The following PATZ1 variants were observed in gnomAD, a reference collection of about 807,000 sequenced individuals.
The protein encoded by PATZ1 is POZ-, AT hook-, and zinc finger-containing protein 1.
Under a neutral mutation model 46.2 loss-of-function variants are expected in PATZ1, and 9 were observed. The ratio of observed to expected loss-of-function variants is 0.19; its 90% CI spans 0.12 to 0.34. PATZ1 has a LOEUF of 0.34. PATZ1 is among the 10% of genes least tolerant of loss of function. The pLI is 1.00. For synonymous variants in PATZ1, 426 were observed against 378.6 expected (o/e 1.13, Z -1.45); for missense variants, 632 against 923.0 (o/e 0.68, Z 4.08).
chr22:31,340,265 A>C (rs556797547), intron 2 of PATZ1, among the ~76,000 whole-genome samples: 1 of 152,262 alleles, frequency 6.6e-6, no homozygotes, highest in Admixed American at 6.5e-5. Flanking sequence ...TGGCCTTTCT[A>C]CTTAAGCTAT....
chr22:31,339,093 A>G (rs2049548307), intron 2 of PATZ1, among the ~76,000 whole-genome samples: 1 of 152,132 alleles, frequency 6.6e-6, no homozygotes, highest in Admixed American at 6.5e-5. Context: ...TTGCTACCTA[A>G]AGATGATGGA....
chr22:31,335,987 C>T, intron 2 of PATZ1, 124 bp from the exon 3 acceptor site: 3 of 866,604 alleles, frequency 3.5e-6, no homozygotes, highest in South Asian at 3.4e-5. Flanking sequence ...ATAAAGACAG[C>T]TTTAGAGTTT....
intron 2 of PATZ1, among the ~76,000 whole-genome samples, 185 bp from the exon 3 acceptor site, chr22:31,336,048 G>A (rs1009644533): frequency 2.6e-5 from 4 of 152,070 alleles, no homozygotes; most frequent in African/African-American, 7.2e-5. Flanking sequence ...ATTTCCCATG[G>A]TACCTCCTTA....
At chr22:31,335,557 G>A in intron 3 of PATZ1, 135 bp downstream of exon 3, 1 of 794,228 alleles carries the variant, frequency 1.3e-6, no homozygotes, top group Non-Finnish European at 2.0e-6. Flanking sequence ...TGATGAAGGT[G>A]TTTATCATTC....
At chr22:31,340,290 T>C (rs141008389) in intron 2 of PATZ1, among the ~76,000 whole-genome samples, 1 of 152,364 alleles carries the variant, frequency 6.6e-6, no homozygotes, top group East Asian at 1.9e-4. Context: ...CTAGTCTCTG[T>C]AACTGGCCTC....
At chr22:31,342,778 T>C (rs1364532743) in intron 2 of PATZ1, 119 bp downstream of exon 2, 2 of 955,260 alleles carry the variant, frequency 2.1e-6, no homozygotes, top group East Asian at 2.5e-5. Flanking sequence ...AGAGGGGAGG[T>C]GTGCAAAGCG....
Position 31,327,344 on chromosome 22 carries a change from C to A in PATZ1, c.1646-35G>T, listed in dbSNP as rs917829382. ...AACAAAATATAGGAGAGCGATGAGG[C>A]CAGGCTCTGGAGATGCCCCCTCCTG... is the stretch of plus-strand genomic sequence containing the variant. On this transcript the variant is annotated intron_variant, in intron 4 of 4. Coordinates refer to ENST00000266269, the MANE Select transcript of PATZ1 (RefSeq NM_014323.3). The surrounding 1 kb of genome is among the most constrained non-coding windows in gnomAD (Gnocchi z 4.2). 4 of 1,577,602 alleles carry A rather than the reference C, an allele frequency of 2.5e-6. No homozygotes were observed. The highest frequency in any genetic ancestry group is 3.5e-6 in the Non-Finnish European group (4 of 1,156,728).
intron 2 of PATZ1, among the ~76,000 whole-genome samples, chr22:31,342,690 G>T (rs766984364): frequency 6.6e-6 from 1 of 152,154 alleles, no homozygotes; most frequent in Non-Finnish European, 1.5e-5. Flanking sequence ...AAGCAACCAG[G>T]AAGGAGGAAC....
chr22:31,344,948 C>G lies in PATZ1; in HGVS notation c.655G>C (p.Ala219Pro), dbSNP rs1039805766. Residue 219 changes from alanine to proline, a missense_variant, in exon 1 of 5, where the codon GCC becomes CCC. Transcript: ENST00000266269. ...EEEAARAAGAAIAGQASLPVL... is the reference protein window; with the variant it reads ...EEEAARAAGAPIAGQASLPVL... Reference sequence around the variant, plus strand: ...GGCAAAGAGGCTTGGCCTGCAATGGCTGCACCAGCCGCCCGAGCTGCCTCC... The same window carrying G: ...GGCAAAGAGGCTTGGCCTGCAATGGGTGCACCAGCCGCCCGAGCTGCCTCC... The G allele has an allele frequency of 1.9e-6, 3 of 1,613,730 alleles. No individual in the cohort carries two copies. The Admixed American group carries it at 5.0e-5, about 27-fold the overall frequency.
rs1477615407 is a variant in PATZ1 at position 31,344,275 on chromosome 22, G to A, written c.1271+57C>T. On this transcript the variant is annotated intron_variant, in intron 1 of 4. Coordinates refer to ENST00000266269, the MANE Select transcript of PATZ1 (RefSeq NM_014323.3). ...CCCACACCCCCAGATCTTGGCAGGAGCCTTTTCAGGACTAAGATAACGTGT... is the reference window on the plus strand; with the variant it reads ...CCCACACCCCCAGATCTTGGCAGGAACCTTTTCAGGACTAAGATAACGTGT... 9.6e-6 allele frequency: 14 copies of A among 1,458,102 alleles called. No individual in the cohort carries two copies. The East Asian group carries it at 1.6e-4, about 17-fold the overall frequency. 90.3% of individuals were successfully genotyped at this position (1,458,102 alleles called of 1,614,324 possible).
Position 31,341,802 on chromosome 22 carries a change from G to C in PATZ1, c.1335+1095C>G, listed in dbSNP as rs931456669. 3 of 816,026 alleles carry C rather than the reference G, an allele frequency of 3.7e-6. No homozygotes were observed. In the African/African-American group the frequency reaches 5.2e-5, roughly 14 times the overall value. 50.5% of individuals were successfully genotyped at this position (816,026 alleles called of 1,614,324 possible). A position where few individuals can be genotyped will look rare whatever the true frequency, so the allele number is the denominator to read the frequency against. On this transcript the variant is annotated intron_variant, in intron 2 of 4. Transcript: ENST00000266269. ...CAGCACACTACCTGAGTCAGAATGT[G>C]CTCTGTGATGAGAGAATCAGAGACA...
intron 2 of PATZ1, chr22:31,340,793 C>T (rs2049570786): frequency 9.5e-7 from 1 of 1,057,844 alleles, no homozygotes. Flanking sequence ...TTTCAGCCCC[C>T]AAAGCCATAT....
Position 31,344,548 on chromosome 22 carries a change from C to T in PATZ1, c.1055G>A (p.Arg352Lys). 2 of 1,614,246 alleles carry T rather than the reference C, an allele frequency of 1.2e-6. No homozygotes were observed. Among genetic ancestry groups the T allele is most frequent in the Non-Finnish European group, 1.7e-6 (2 of 1,180,032 alleles). Residue 352 changes from arginine (R) to lysine (K), a missense_variant, in exon 1 of 5, where the codon AGG becomes AAG. Coordinates refer to ENST00000266269, the MANE Select transcript of PATZ1 (RefSeq NM_014323.3). ...GCAGATCTCACAAGCCACCTGCTTC[C>T]TGGTCCGGCTCCTCTTTCGGGGGCC... is the stretch of plus-strand genomic sequence containing the variant. ...PDGPRKRSRT[R>K]KQVACEICGK...
chr22:31,332,311 G>A (rs752090038), intron 3 of PATZ1, among the ~76,000 whole-genome samples: 10 of 152,174 alleles, frequency 6.6e-5, no homozygotes, highest in Non-Finnish European at 1.5e-5. Flanking sequence ...CTGAGCTTCT[G>A]AGCAGAATAC....
At chr22:31,340,389 G>C (rs186000696) in intron 2 of PATZ1, among the ~76,000 whole-genome samples, 1 of 152,318 alleles carries the variant, frequency 6.6e-6, no homozygotes, top group Admixed American at 6.5e-5. Context: ...CCAGAGAGCC[G>C]TCTCTTCACC....
intron 2 of PATZ1, 88 bp downstream of exon 2, chr22:31,342,805 GCCCC>G: frequency 7.1e-7 from 1 of 1,414,630 alleles, no homozygotes; most frequent in Non-Finnish European, 9.9e-7. Flanking sequence ...GGTCAGCCGG[GCCCC>G]CGGCACACGC....
At chr22:31,334,244 C>T (rs1471607099) in intron 3 of PATZ1, among the ~76,000 whole-genome samples, 1 of 152,186 alleles carries the variant, frequency 6.6e-6, no homozygotes, top group Non-Finnish European at 1.5e-5. Context: ...GATAACTCTC[C>T]CTGCATGCGC....
intron 2 of PATZ1, chr22:31,340,845 C>T: frequency 9.4e-7 from 1 of 1,061,970 alleles, no homozygotes. Flanking sequence ...AGTTTGGTTC[C>T]TGAGCAGACC....
rs1377159731 is a variant in PATZ1, at chr22:31,327,197, G to A, written c.1758C>T (p.Phe586=). The A allele has an allele frequency of 2.0e-5, 33 of 1,614,242 alleles. No individual in the cohort carries two copies. The highest frequency in any genetic ancestry group is 2.8e-5 in the Non-Finnish European group (33 of 1,180,032). The change falls in exon 5 of 5, where the codon TTC becomes TTT. Residue 586 remains phenylalanine, a synonymous_variant. Coordinates refer to ENST00000266269, the MANE Select transcript of PATZ1 (RefSeq NM_014323.3). The surrounding 1 kb of genome is among the most constrained non-coding windows in gnomAD (Gnocchi z 4.2). ...TTTTGGGGACTGCCATGTCGCAGGA[G>A]AAAGAGCCATTGGCACTCTGCTTCT... ...TPEKQSANGS[F]SCDMAVPKNK... is the part of the protein sequence containing the mutation.
Sources: gnomAD v4.1 joint callset for allele counts (sites outside exome capture counted in the v4.1 genomes callset) on GRCh38, gnomAD v4.1.1 for gene constraint, Gnocchi (gnomAD v3.1) non-coding constraint, MANE v1.5 for transcripts, NCBI Gene and HGNC (gene_info 2026-07-23, HGNC 2026-07-21) for gene names.